Variants in ZBBX observed in about 807,000 individuals in gnomAD.
ZBBX encodes zinc finger B-box domain containing.
Under a neutral mutation model 108.5 loss-of-function variants are expected in ZBBX, and 101 were observed. The ratio of observed to expected loss-of-function variants is 0.93; its 90% CI spans 0.79 to 1.10. The LOEUF (loss-of-function observed/expected upper bound fraction) is 1.10. ZBBX is among the 50% of genes least tolerant of loss of function. ZBBX has a pLI of 0.00. For missense variants in ZBBX, 1,009 were observed against 941.4 expected (o/e 1.07, Z -0.94); for synonymous variants, 356 against 323.4 (o/e 1.10, Z -1.08).
intron 1 of ZBBX, among the ~76,000 whole-genome samples, chr3:167,395,716 A>C (rs1046303757): frequency 6.6e-6 from 1 of 152,018 alleles, no homozygotes; most frequent in Non-Finnish European, 1.5e-5. Flanking sequence ...AAAACTGTGC[A>C]TACGGATTGA....
At chr3:167,191,540 C>G in the ZBBX span, among the ~76,000 whole-genome samples, 2 of 152,186 alleles carry the variant, frequency 1.3e-5, no homozygotes, top group East Asian at 3.9e-4. Context: ...CTCACGAGAT[C>G]TGATGGTTTT....
upstream of ZBBX, among the ~76,000 whole-genome samples, chr3:167,384,807 T>C (rs957844944): frequency 6.6e-6 from 1 of 152,056 alleles, no homozygotes; most frequent in African/African-American, 2.4e-5. Flanking sequence ...ATTCCTGTAA[T>C]CATCTATTCT....
At chr3:167,340,037 G>T (rs900281658) in intron 9 of ZBBX, among the ~76,000 whole-genome samples, 1 of 151,964 alleles carries the variant, frequency 6.6e-6, no homozygotes, top group African/African-American at 2.4e-5. Context: ...TTAATTTATG[G>T]TAAAACAAAC....
chr3:167,304,731 C>G (rs551415823), intron 17 of ZBBX, among the ~76,000 whole-genome samples: 1 of 152,052 alleles, frequency 6.6e-6, no homozygotes, highest in Non-Finnish European at 1.5e-5. Flanking sequence ...AGATCACTTG[C>G]AGAGATCAGT....
chr3:167,192,502 G>GACC, the ZBBX span, among the ~76,000 whole-genome samples: 1 of 152,060 alleles, frequency 6.6e-6, no homozygotes, highest in Non-Finnish European at 1.5e-5. Flanking sequence ...ATGAATTTGA[G>GACC]CTTCTTTATA....
At chr3:167,276,359 T>C (rs1385433838) in intron 20 of ZBBX, among the ~76,000 whole-genome samples, 1 of 151,816 alleles carries the variant, frequency 6.6e-6, no homozygotes, top group Admixed American at 6.6e-5. Flanking sequence ...TTTAGAAGAA[T>C]GTATAACTAG....
chr3:167,286,601 T>G (rs997421204), intron 19 of ZBBX, among the ~76,000 whole-genome samples: 1 of 152,072 alleles, frequency 6.6e-6, no homozygotes, highest in Non-Finnish European at 1.5e-5. Context: ...TAATCTTGAA[T>G]AGTGAAGGTA....
intron 20 of ZBBX, among the ~76,000 whole-genome samples, chr3:167,255,613 G>C (rs1723374059): frequency 6.6e-6 from 1 of 151,802 alleles, no homozygotes. Flanking sequence ...AGTTAGAAAT[G>C]GCCTCCATTA....
chr3:167,317,206 G>T, intron 13 of ZBBX, 101 bp from the exon 14 acceptor site: 1 of 745,748 alleles, frequency 1.3e-6, no homozygotes, highest in South Asian at 2.2e-5. Flanking sequence ...GTTCTCATGT[G>T]TATCTACACA....
At chr3:167,384,623 G>A (rs1041711870), upstream of ZBBX, among the ~76,000 whole-genome samples, 1 of 152,018 alleles carries the variant, frequency 6.6e-6, no homozygotes, top group African/African-American at 2.4e-5. Flanking sequence ...TGAAGGAAAA[G>A]TTTAAATTGT....
the ZBBX span, among the ~76,000 whole-genome samples, chr3:167,231,311 T>C: frequency 1.3e-5 from 2 of 151,712 alleles, no homozygotes; most frequent in Non-Finnish European, 2.9e-5. Flanking sequence ...AGAAGAAATT[T>C]CAGACAACAC....
chr3:167,335,741 A>C (rs1458545517), intron 9 of ZBBX, among the ~76,000 whole-genome samples: 1 of 151,782 alleles, frequency 6.6e-6, no homozygotes, highest in Non-Finnish European at 1.5e-5. Context: ...ATCAGTGAAC[A>C]TCAAATTAAC....
At chr3:167,261,618 C>T (rs966185241) in intron 20 of ZBBX, among the ~76,000 whole-genome samples, 4 of 151,728 alleles carry the variant, frequency 2.6e-5, no homozygotes, top group South Asian at 4.2e-4. Flanking sequence ...GGGAGAAAGC[C>T]AGCAGTCACA....
At chr3:167,395,910 C>G (rs771175705) in intron 1 of ZBBX, among the ~76,000 whole-genome samples, 3 of 151,982 alleles carry the variant, frequency 2.0e-5, no homozygotes, top group Non-Finnish European at 4.4e-5. Context: ...ATATATGGAA[C>G]CTTCTCCCTC....
chr3:167,366,767 A>G lies in ZBBX; in HGVS notation c.183-791T>C, dbSNP rs764516623. 9 of 450,100 alleles carry G rather than the reference A, an allele frequency of 2.0e-5. 1 individual carries two copies. Among genetic ancestry groups the G allele is most frequent in the Non-Finnish European group, 4.5e-6 (1 of 224,016 alleles). The allele number at this position is 450,100 out of a possible 1,614,324, so 27.9% of individuals were successfully genotyped here. A position where few individuals can be genotyped will look rare whatever the true frequency, so the allele number is the denominator to read the frequency against. ...ATCATCTAGAAAAGCTTCCACAGCT[A>G]AGAAAAACTCACTATCAGGGCTGAT... On this transcript the variant is annotated intron_variant, in intron 5 of 21. Transcript: ENST00000675490.
intron 12 of ZBBX, among the ~76,000 whole-genome samples, chr3:167,319,448 C>T (rs1736031906): frequency 6.6e-6 from 1 of 151,910 alleles, no homozygotes; most frequent in Admixed American, 6.6e-5. Flanking sequence ...GTGGTAGACA[C>T]ATGACTTTAT....
At chr3:167,367,305 A>G (rs767080226) in intron 5 of ZBBX, among the ~76,000 whole-genome samples, 8 of 151,906 alleles carry the variant, frequency 5.3e-5, no homozygotes, top group Non-Finnish European at 1.2e-4. Flanking sequence ...AAAATTACAG[A>G]GGTAGGAATT....
intron 1 of ZBBX, among the ~76,000 whole-genome samples, chr3:167,405,086 T>C (rs1483703574): frequency 6.6e-6 from 1 of 152,146 alleles, no homozygotes; most frequent in Non-Finnish European, 1.5e-5. Context: ...ATTAAAAACA[T>C]TGTGAAGAAG....
chr3:167,264,424 C>T (rs2108438095), intron 20 of ZBBX, among the ~76,000 whole-genome samples: 1 of 152,132 alleles, frequency 6.6e-6, no homozygotes, highest in South Asian at 2.1e-4. Context: ...TATGTTATAA[C>T]CCATCATTTT....
Sources: allele counts gnomAD v4.1 joint callset (sites outside exome capture counted in the v4.1 genomes callset), GRCh38; gene constraint gnomAD v4.1.1; transcripts MANE v1.5; gene names NCBI Gene and HGNC (gene_info 2026-07-23, HGNC 2026-07-21).